The following KLF7 variants were observed in gnomAD, a reference collection of about 807,000 sequenced individuals.
The protein encoded by KLF7 is KLF transcription factor 7, also known as Krueppel-like factor 7.
A neutral mutation model predicts 27.3 loss-of-function variants in KLF7; 2 were observed. The ratio of observed to expected loss-of-function variants is 0.07; its 90% CI spans 0.03 to 0.23. The LOEUF is 0.23. Among genes scored for constraint, KLF7 ranks in the 10% least tolerant of loss-of-function variants. The probability of loss-of-function intolerance (pLI) is 1.00; values close to 1 mark genes in which losing one functional copy is unlikely to be tolerated. For missense variants in KLF7, 221 were observed against 394.1 expected, an observed-to-expected ratio of 0.56 and a Z score of 3.72; for synonymous variants, 165 against 162.4, an observed-to-expected ratio of 1.02 and a Z score of -0.12.
chr2:207,143,767 GACAAAATGTGCAGGC>G (rs1034581858), intron 1 of KLF7, among the ~76,000 whole-genome samples: 1 of 152,154 alleles, frequency 6.6e-6, no homozygotes, highest in African/African-American at 2.4e-5. Context: ...ACTCATTAAG[GACAAAATGTGCAGGC>G]ACATTTGACC....
At chr2:207,142,956 A>G (rs551867630) in intron 1 of KLF7, among the ~76,000 whole-genome samples, 1 of 152,350 alleles carries the variant, frequency 6.6e-6, no homozygotes, top group East Asian at 1.9e-4. Flanking sequence ...TAACTCAGGG[A>G]AAGATTAAAG....
At chr2:207,101,622 T>C (rs1000049233) in intron 2 of KLF7, among the ~76,000 whole-genome samples, 1 of 152,126 alleles carries the variant, frequency 6.6e-6, no homozygotes, top group Non-Finnish European at 1.5e-5. Context: ...CTGAGGAACC[T>C]TGATGACAAA....
chr2:207,083,352 C>T (rs1013987076), intron 3 of KLF7, among the ~76,000 whole-genome samples: 2 of 152,186 alleles, frequency 1.3e-5, no homozygotes, highest in African/African-American at 4.8e-5. Context: ...TTCCCTCCTT[C>T]TTTTATCCCA....
At chr2:207,142,523 C>A (rs1259748966) in intron 1 of KLF7, among the ~76,000 whole-genome samples, 2 of 152,202 alleles carry the variant, frequency 1.3e-5, no homozygotes, top group African/African-American at 4.8e-5. Context: ...TTCAAGATAA[C>A]ACAGCACATG....
intron 1 of KLF7, among the ~76,000 whole-genome samples, chr2:207,137,367 A>C (rs1397258386): frequency 6.6e-6 from 1 of 152,148 alleles, no homozygotes; most frequent in African/African-American, 2.4e-5. Context: ...TAAGCCCCAC[A>C]CACCACTTAC....
intron 2 of KLF7, among the ~76,000 whole-genome samples, chr2:207,112,174 C>CTTTTTTT (rs1553525812): frequency 2.7e-5 from 4 of 149,192 alleles, no homozygotes; most frequent in Admixed American, 6.6e-5. Flanking sequence ...TGGGCAAATG[C>CTTTTTTT]TTTTGAGTGA....
chr2:207,170,739 T>C (rs1424794071), upstream of KLF7, among the ~76,000 whole-genome samples: 1 of 152,144 alleles, frequency 6.6e-6, no homozygotes, highest in Non-Finnish European at 1.5e-5. Context: ...GATGGTTTAC[T>C]AATATTTTAA....
intron 3 of KLF7, among the ~76,000 whole-genome samples, chr2:207,084,196 T>C (rs78455084): frequency 0.05 from 7,535 of 152,156 alleles, 266 homozygotes; most frequent in Middle Eastern, 0.092. Flanking sequence ...AGCCTGCCTG[T>C]CCAAGAGGAA....
intron 3 of KLF7, among the ~76,000 whole-genome samples, chr2:207,081,614 T>A (rs2076273800): frequency 6.6e-6 from 1 of 152,168 alleles, no homozygotes; most frequent in African/African-American, 2.4e-5. Flanking sequence ...AGGATCTCAG[T>A]GCATGTTAAC....
rs2076157897 is a variant in KLF7 at position 207,075,454 on chromosome 2, A to C, written c.*5759T>G. 2 of 151,952 alleles carry C rather than the reference A, an allele frequency of 1.3e-5. No homozygotes were observed. The highest frequency in any genetic ancestry group is 1.9e-4 in the East Asian group (1 of 5,184). The allele number at this position is 151,952 out of a possible 1,614,324, so 9.4% of individuals were successfully genotyped here. A position where few individuals can be genotyped will look rare whatever the true frequency, so the allele number is the denominator to read the frequency against. ...TGTGATATATTATAAATACCAGAGA[A>C]GGCCTGAGAGAATGTGACGGGGGGA... On this transcript the variant is annotated 3_prime_UTR_variant, in exon 4 of 4. Transcript: ENST00000309446.
chr2:207,157,219 T>TAAA (rs5838052), intron 1 of KLF7, among the ~76,000 whole-genome samples: 113 of 87,218 alleles, frequency 1.3e-3, no homozygotes, highest in African/African-American at 4.0e-3. Context: ...AACAGAAAAG[T>TAAA]AAAAAAAAAA....
upstream of KLF7, among the ~76,000 whole-genome samples, chr2:207,167,773 C>T (rs1053670034): frequency 1.3e-5 from 2 of 152,308 alleles, no homozygotes; most frequent in East Asian, 1.9e-4. Context: ...TTGTATCTAC[C>T]CATCTCAGAA....
At chr2:207,081,312 C>T in intron 3 of KLF7, 48 bp from the exon 4 acceptor site, 1 of 1,450,546 alleles carries the variant, frequency 6.9e-7, no homozygotes, top group Non-Finnish European at 9.7e-7. Flanking sequence ...CAGCAAACAG[C>T]TTGACTTGCA....
At position 207,079,125 on chromosome 2, in the gene KLF7, A is replaced by C. The variant is rs925909279; in HGVS notation, c.*2088T>G. On this transcript the variant is annotated 3_prime_UTR_variant, in exon 4 of 4. Coordinates refer to ENST00000309446, the MANE Select transcript of KLF7 (RefSeq NM_003709.4). ...TCTAAATAGAAAAAAGGAAAAGGAG[A>C]AAGTAAATTCTTAGGGCCAGACCTC... is the stretch of plus-strand genomic sequence containing the variant. 1.2e-4 allele frequency: 18 copies of C among 150,304 alleles called. No individual in the cohort carries two copies. Among genetic ancestry groups the C allele is most frequent in the Admixed American group, 1.3e-4 (2 of 15,008 alleles). 9.3% of individuals were successfully genotyped at this position (150,304 alleles called of 1,614,324 possible).
At chr2:207,092,236 T>A (rs999465447) in intron 2 of KLF7, among the ~76,000 whole-genome samples, 1 of 152,192 alleles carries the variant, frequency 6.6e-6, no homozygotes, top group Non-Finnish European at 1.5e-5. Context: ...AAGAGTGGTC[T>A]ATGTGAGACA....
the KLF7 span, among the ~76,000 whole-genome samples, chr2:207,173,113 A>G: frequency 1.3e-5 from 2 of 151,892 alleles, no homozygotes; most frequent in Non-Finnish European, 2.9e-5. Flanking sequence ...CCTGAGAAAC[A>G]TGGTTTGAAT....
At chr2:207,141,535 A>T (rs920669438) in intron 1 of KLF7, among the ~76,000 whole-genome samples, 1 of 152,198 alleles carries the variant, frequency 6.6e-6, no homozygotes, top group Non-Finnish European at 1.5e-5. Context: ...ATGCCATCTA[A>T]AAGGGGAAGT....
At chr2:207,158,756 C>T (rs2078459677) in intron 1 of KLF7, among the ~76,000 whole-genome samples, 1 of 152,162 alleles carries the variant, frequency 6.6e-6, no homozygotes. Context: ...ATAACTTGTT[C>T]TAGAACCTAG....
At chr2:207,107,515 G>A (rs1179306977) in intron 2 of KLF7, among the ~76,000 whole-genome samples, 3 of 152,182 alleles carry the variant, frequency 2.0e-5, no homozygotes, top group East Asian at 1.9e-4. Context: ...ATGAGTGTGT[G>A]TAAAATTATA....
Sources: allele counts gnomAD v4.1 joint callset (sites outside exome capture counted in the v4.1 genomes callset), GRCh38; gene constraint gnomAD v4.1.1; transcripts MANE v1.5; gene names NCBI Gene and HGNC (gene_info 2026-07-23, HGNC 2026-07-21).